Variants in ALG12 observed in about 807,000 individuals in gnomAD.
ALG12 encodes the protein ALG12 alpha-1,6-mannosyltransferase.
ALG12 carries 36 observed loss-of-function variants against 46.0 expected under a neutral mutation model. The ratio of observed to expected loss-of-function variants is 0.78; its 90% CI spans 0.60 to 1.03. ALG12 has a LOEUF of 1.03. Ranked by LOEUF, ALG12 falls within the 50% of genes least tolerant of loss-of-function variation. The probability of loss-of-function intolerance (pLI) is 0.00; values close to 1 mark genes in which losing one functional copy is unlikely to be tolerated. For missense variants in ALG12, 599 were observed against 633.5 expected (o/e 0.95, Z 0.58); for synonymous variants, 326 against 291.6 (o/e 1.12, Z -1.20).
chr22:49,917,470 A>C (rs2060618620), intron 1 of ALG12, among the ~76,000 whole-genome samples: 1 of 152,230 alleles, frequency 6.6e-6, no homozygotes, highest in Non-Finnish European at 1.5e-5. Context: ...CAGGACTTCG[A>C]GACCAGCCTG....
chr22:49,892,202 A>C, the ALG12 span, among the ~76,000 whole-genome samples: 3 of 151,874 alleles, frequency 2.0e-5, no homozygotes, highest in African/African-American at 4.8e-5. Flanking sequence ...AAAAAAAAAA[A>C]AAAAAAAAAA....
intron 3 of ALG12, among the ~76,000 whole-genome samples, chr22:49,911,537 C>G (rs908199307): frequency 2.0e-5 from 3 of 152,106 alleles, no homozygotes; most frequent in Non-Finnish European, 4.4e-5. Flanking sequence ...CGGGTTCAAG[C>G]AATTCTCCTA....
chr22:49,893,079 T>C, the ALG12 span, among the ~76,000 whole-genome samples: 3 of 152,178 alleles, frequency 2.0e-5, no homozygotes, highest in Non-Finnish European at 4.4e-5. Context: ...TAGTACCAAA[T>C]TAGGCTTATA....
the ALG12 span, among the ~76,000 whole-genome samples, chr22:49,861,893 C>T: frequency 1.3e-5 from 2 of 152,078 alleles, no homozygotes; most frequent in East Asian, 1.9e-4. Flanking sequence ...CTGTTCGTAG[C>T]GTGTGGTTGC....
chr22:49,862,490 C>T, the ALG12 span, among the ~76,000 whole-genome samples: 3 of 152,144 alleles, frequency 2.0e-5, no homozygotes, highest in African/African-American at 2.4e-5. Flanking sequence ...CAGTGTCTAG[C>T]GTAATGAGTC....
At chr22:49,912,148 G>A (rs1447672151) in intron 3 of ALG12, among the ~76,000 whole-genome samples, 1 of 151,862 alleles carries the variant, frequency 6.6e-6, no homozygotes, top group African/African-American at 2.4e-5. Context: ...CTCGGCCCCG[G>A]GATCACCCTC....
chr22:49,917,092 G>A (rs1157403245), intron 1 of ALG12, among the ~76,000 whole-genome samples: 2 of 152,226 alleles, frequency 1.3e-5, no homozygotes, highest in Non-Finnish European at 2.9e-5. Flanking sequence ...CCAGGAGCAC[G>A]GGAAGACCAA....
At chr22:49,898,954 T>C (rs930490928), downstream of ALG12, among the ~76,000 whole-genome samples, 1 of 150,676 alleles carries the variant, frequency 6.6e-6, no homozygotes, top group Non-Finnish European at 1.5e-5. Context: ...TGGATATTCA[T>C]AGACAAAAAA....
intron 6 of ALG12, among the ~76,000 whole-genome samples, chr22:49,908,734 C>T (rs1018563225): frequency 7.1e-6 from 1 of 139,936 alleles, no homozygotes; most frequent in Non-Finnish European, 1.5e-5. Flanking sequence ...GGTGGATCAC[C>T]TGAGTTCAAG....
intron 1 of ALG12, among the ~76,000 whole-genome samples, chr22:49,915,284 T>C (rs2060603047): frequency 6.6e-6 from 1 of 151,986 alleles, no homozygotes; most frequent in South Asian, 2.1e-4. Context: ...GAGGGCCAGG[T>C]GCGGTGGCTC....
In ALG12 at chr22:49,903,354, G is replaced by A. The variant is rs77163946; in HGVS notation, c.*484C>T. 1.3e-5 allele frequency: 6 copies of A among 456,368 alleles called. No individual in the cohort carries two copies. Among genetic ancestry groups the A allele is most frequent in the Admixed American group, 4.7e-5 (2 of 42,344 alleles). The allele number at this position is 456,368 out of a possible 1,614,324, so 28.3% of individuals were successfully genotyped here. Reference sequence around the variant, plus strand: ...AAAGTTGCAGTGGTGGCACCAGGGTGGGGGGGTGCGGCCGGGGCCACCATG... The same window carrying A: ...AAAGTTGCAGTGGTGGCACCAGGGTAGGGGGGTGCGGCCGGGGCCACCATG... On this transcript the variant is annotated 3_prime_UTR_variant, in exon 10 of 10. Coordinates refer to ENST00000330817, the MANE Select transcript of ALG12 (RefSeq NM_024105.4).
chr22:49,860,774 G>A, the ALG12 span, among the ~76,000 whole-genome samples: 2 of 149,272 alleles, frequency 1.3e-5, no homozygotes, highest in Non-Finnish European at 3.0e-5. Flanking sequence ...ACTCTTCTAA[G>A]CAACCTTTTT....
the ALG12 span, among the ~76,000 whole-genome samples, chr22:49,875,341 C>T: frequency 2.0e-5 from 3 of 151,656 alleles, no homozygotes; most frequent in African/African-American, 7.3e-5. Flanking sequence ...AAAGGCTAAT[C>T]AGCTTATTCT....
rs778846969 is a variant in ALG12 at position 49,909,887 on chromosome 22, G to A, written c.664+7C>T. 6.8e-6 allele frequency: 11 copies of A among 1,613,978 alleles called. No individual in the cohort carries two copies. In the East Asian group the frequency reaches 2.0e-4, roughly 29 times the overall value. On this transcript the variant is annotated splice_region_variant and intron_variant, in intron 5 of 9. Transcript: ENST00000330817. Reference sequence around the variant, plus strand: ...CAGTTAGAAGCATCCCACAGTGACTGACTTACCTAAACAGAGGATCCCTGC... The same window carrying A: ...CAGTTAGAAGCATCCCACAGTGACTAACTTACCTAAACAGAGGATCCCTGC...
chr22:49,901,513 G>A lies in ALG12; in HGVS notation c.*2325C>T, dbSNP rs1380569755. 1.3e-5 allele frequency: 2 copies of A among 151,068 alleles called. No individual in the cohort carries two copies. The highest frequency in any genetic ancestry group is 2.9e-5 in the Non-Finnish European group (2 of 67,898). 9.4% of individuals were successfully genotyped at this position (151,068 alleles called of 1,614,324 possible). A position where few individuals can be genotyped will look rare whatever the true frequency, so the allele number is the denominator to read the frequency against. On this transcript the variant is annotated 3_prime_UTR_variant, in exon 10 of 10. Transcript: ENST00000330817. Reference sequence around the variant, plus strand: ...TGTGCATTGTGTGCATGATTGCATTGTGTGGTGTGTATGCATGGTGTGTGC... The same window carrying A: ...TGTGCATTGTGTGCATGATTGCATTATGTGGTGTGTATGCATGGTGTGTGC...
At chr22:49,884,869 C>T in the ALG12 span, 1 of 1,607,342 alleles carries the variant, frequency 6.2e-7, no homozygotes, top group South Asian at 1.1e-5. Flanking sequence ...TCACTTGAAC[C>T]CTGGAGATGG....
chr22:49,861,119 A>C, the ALG12 span, among the ~76,000 whole-genome samples: 1 of 152,182 alleles, frequency 6.6e-6, no homozygotes, highest in Non-Finnish European at 1.5e-5. Context: ...AAAAGTAAGC[A>C]AAACACACCC....
rs2147581922 is a variant in ALG12, at chr22:49,905,441, C to G, written c.993-935G>C. Among the ~76,000 whole-genome samples the G allele has an allele frequency of 6.6e-6, 1 of 152,282 alleles. No homozygotes were observed. Among genetic ancestry groups the G allele is most frequent in the South Asian group, 2.1e-4 (1 of 4,822 alleles). The stretch of plus-strand genomic sequence containing the variant: ...TGATCCCCAATGCTGGAGGTGGGGC[C>G]TGGTGGGAGGTGACTGGGTCATGGA... On this transcript the variant is annotated intron_variant, in intron 7 of 9. Coordinates refer to ENST00000330817, the MANE Select transcript of ALG12 (RefSeq NM_024105.4). This position sits in a 1 kb window ranked among gnomAD's most constrained non-coding sequence, Gnocchi z 4.9.
the ALG12 span, chr22:49,885,204 C>A: frequency 6.2e-7 from 1 of 1,613,870 alleles, no homozygotes; most frequent in Non-Finnish European, 8.5e-7. Flanking sequence ...GCCAGAAGGG[C>A]TTCCTGGGTG....
Sources: gnomAD v4.1 joint callset for allele counts (sites outside exome capture counted in the v4.1 genomes callset) on GRCh38, gnomAD v4.1.1 for gene constraint, Gnocchi (gnomAD v3.1) non-coding constraint, MANE v1.5 for transcripts, NCBI Gene and HGNC (gene_info 2026-07-23, HGNC 2026-07-21) for gene names.